EGFLAM: variants seen among roughly 807,000 people sequenced by gnomAD.
EGFLAM encodes the protein EGF like, fibronectin type III and laminin G domains.
Under a neutral mutation model 113.1 loss-of-function variants are expected in EGFLAM, and 79 were observed. The observed-to-expected ratio is 0.70, with a 90% CI of 0.58 to 0.84. EGFLAM has a LOEUF of 0.84. EGFLAM is among the 40% of genes least tolerant of loss of function. The pLI, the probability that EGFLAM is intolerant of heterozygous loss-of-function variation, is 0.00. For synonymous variants in EGFLAM, 504 were observed against 487.6 expected, an observed-to-expected ratio of 1.03 and a Z score of -0.44; for missense variants, 1,265 against 1,291.6, an observed-to-expected ratio of 0.98 and a Z score of 0.32.
At chr5:38,320,737 G>A (rs1738717498) in intron 1 of EGFLAM, among the ~76,000 whole-genome samples, 1 of 152,100 alleles carries the variant, frequency 6.6e-6, no homozygotes, top group African/African-American at 2.4e-5. Context: ...GACCCCTCTG[G>A]GAGTTGGGGG....
chr5:38,392,691 T>A (rs1018902439), intron 6 of EGFLAM, among the ~76,000 whole-genome samples: 7 of 152,268 alleles, frequency 4.6e-5, no homozygotes, highest in Non-Finnish European at 5.9e-5. Flanking sequence ...TTCATTTTTT[T>A]AAAAAATTAT....
At chr5:38,371,063 C>T (rs1171190015) in intron 6 of EGFLAM, among the ~76,000 whole-genome samples, 2 of 152,020 alleles carry the variant, frequency 1.3e-5, no homozygotes, top group African/African-American at 4.8e-5. Context: ...TTAACAAAAT[C>T]CCCCACAATG....
chr5:38,266,294 A>T (rs775468488), intron 1 of EGFLAM, among the ~76,000 whole-genome samples: 3 of 152,208 alleles, frequency 2.0e-5, no homozygotes, highest in Non-Finnish European at 4.4e-5. Flanking sequence ...TTACAGCTAC[A>T]TGGTGACAGT....
At chr5:38,410,542 A>G (rs1197918721) in intron 10 of EGFLAM, among the ~76,000 whole-genome samples, 2 of 152,174 alleles carry the variant, frequency 1.3e-5, no homozygotes, top group Admixed American at 1.3e-4. Flanking sequence ...AATCCTAGTA[A>G]GGAAAATGCC....
Position 38,338,752 on chromosome 5 carries a change from G to A in EGFLAM, c.262G>A (p.Val88Met), listed in dbSNP as rs145835462. ...DKSLQEQLHS[V>M]PLSRDIPTTE... ...ATCCCTGCAGGAGCAGTTGCACAGC[G>A]TGCCTCTCAGCCGGGACATCCCGAC... The change falls in exon 3 of 22, where the codon GTG (valine) becomes ATG (methionine). Residue 88 changes from valine to methionine, a missense_variant. By Grantham distance (21) the Val-to-Met change is conservative. Coordinates refer to ENST00000322350, the MANE Select transcript of EGFLAM (RefSeq NM_152403.4). The A allele has an allele frequency of 1.3e-4, 212 of 1,614,206 alleles. No individual in the cohort carries two copies. In the African/African-American group the frequency reaches 2.4e-3, roughly 18 times the overall value.
intron 1 of EGFLAM, among the ~76,000 whole-genome samples, chr5:38,334,281 C>G (rs72740317): frequency 6.6e-6 from 1 of 152,126 alleles, no homozygotes; most frequent in African/African-American, 2.4e-5. Flanking sequence ...TATCAAAATA[C>G]TATAGATTGG....
At chr5:38,382,430 G>C (rs1289922984) in intron 6 of EGFLAM, among the ~76,000 whole-genome samples, 1 of 152,140 alleles carries the variant, frequency 6.6e-6, no homozygotes, top group Non-Finnish European at 1.5e-5. Flanking sequence ...AAACAAAGCT[G>C]GGCCTCTTGA....
rs2589795 is a variant in EGFLAM at position 38,337,771 on chromosome 5, C to T, written c.207+142C>T. 0.013 allele frequency: 8,855 copies of T among 705,452 alleles called. 606 individuals are homozygous for T. The African/African-American group carries it at 0.14, about 11-fold the overall frequency. 43.7% of individuals were successfully genotyped at this position (705,452 alleles called of 1,614,324 possible). On this transcript the variant is annotated intron_variant, in intron 2 of 21. Coordinates refer to ENST00000322350, the MANE Select transcript of EGFLAM (RefSeq NM_152403.4). ...CTCCATAAAGCTAGAAGAAATGTCC[C>T]GCTTTGGAGGGTATTTGTAAATGCC... is the stretch of plus-strand genomic sequence containing the variant.
chr5:38,426,142 G>T (rs1041897805), intron 13 of EGFLAM, among the ~76,000 whole-genome samples: 1 of 151,594 alleles, frequency 6.6e-6, no homozygotes, highest in South Asian at 2.1e-4. Flanking sequence ...ACACAGAAAC[G>T]TTAACAATGT....
intron 17 of EGFLAM, among the ~76,000 whole-genome samples, chr5:38,441,144 T>G (rs1487075129): frequency 6.6e-6 from 1 of 152,112 alleles, no homozygotes; most frequent in East Asian, 1.9e-4. Flanking sequence ...TCTGAGATGC[T>G]CTTGGGATGC....
At chr5:38,402,855 G>A (rs1182844422) in intron 6 of EGFLAM, among the ~76,000 whole-genome samples, 1 of 152,178 alleles carries the variant, frequency 6.6e-6, no homozygotes, top group Non-Finnish European at 1.5e-5. Context: ...TAGAATTTAT[G>A]TTGTAGGCAG....
intron 5 of EGFLAM, among the ~76,000 whole-genome samples, chr5:38,356,888 A>G (rs1739775097): frequency 6.6e-6 from 1 of 152,190 alleles, no homozygotes; most frequent in Non-Finnish European, 1.5e-5. Context: ...TGTCCTCCAC[A>G]AAACTCATAC....
chr5:38,312,151 G>C (rs1738459542), intron 1 of EGFLAM, among the ~76,000 whole-genome samples: 2 of 152,124 alleles, frequency 1.3e-5, no homozygotes, highest in African/African-American at 4.8e-5. Flanking sequence ...GCTGGCTTTG[G>C]AGCCAATCTG....
intron 6 of EGFLAM, among the ~76,000 whole-genome samples, chr5:38,388,982 A>T (rs1013516991): frequency 1.3e-5 from 2 of 151,782 alleles, no homozygotes; most frequent in African/African-American, 4.8e-5. Context: ...TTTTTTCTGG[A>T]TACATAAGAA....
chr5:38,307,240 C>T (rs999353104), intron 1 of EGFLAM, among the ~76,000 whole-genome samples: 1 of 152,192 alleles, frequency 6.6e-6, no homozygotes, highest in South Asian at 2.1e-4. Context: ...CTATCTGTTG[C>T]ACCTGGTATC....
At chr5:38,436,717 C>T (rs1056380832) in intron 16 of EGFLAM, among the ~76,000 whole-genome samples, 1 of 152,214 alleles carries the variant, frequency 6.6e-6, no homozygotes, top group Non-Finnish European at 1.5e-5. Context: ...CCCTCTCTTG[C>T]CTGATTCACG....
intron 20 of EGFLAM, among the ~76,000 whole-genome samples, chr5:38,462,344 C>T (rs1257458056): frequency 6.6e-6 from 1 of 152,162 alleles, no homozygotes; most frequent in Admixed American, 6.5e-5. Context: ...GAAATTTCTT[C>T]CCTGGCCCGC....
intron 15 of EGFLAM, among the ~76,000 whole-genome samples, chr5:38,433,467 G>A (rs1179639754): frequency 6.6e-6 from 1 of 152,200 alleles, no homozygotes; most frequent in Non-Finnish European, 1.5e-5. Flanking sequence ...AGCAGGCCTG[G>A]CTTTGGTGGG....
chr5:38,364,083 A>G (rs1481450263), intron 5 of EGFLAM, among the ~76,000 whole-genome samples: 2 of 152,244 alleles, frequency 1.3e-5, no homozygotes, highest in Admixed American at 6.5e-5. Flanking sequence ...AATTCTGAAG[A>G]TATTTTAATT....
Sources: allele counts gnomAD v4.1 joint callset (sites outside exome capture counted in the v4.1 genomes callset), GRCh38; gene constraint gnomAD v4.1.1; transcripts MANE v1.5; gene names NCBI Gene and HGNC (gene_info 2026-07-23, HGNC 2026-07-21).